EAF1: variants seen among roughly 807,000 people sequenced by gnomAD.
EAF1 encodes ELL associated factor 1, also known as ELL-associated factor 1.
In EAF1, 19 loss-of-function variants were observed where a neutral mutation model predicts 26.6. The ratio of observed to expected loss-of-function variants is 0.71; its 90% CI spans 0.50 to 1.05. The LOEUF (loss-of-function observed/expected upper bound fraction) is 1.05, where lower values mean the gene tolerates loss of function less well. EAF1 is among the 50% of genes least tolerant of loss of function. The pLI, the probability that EAF1 is intolerant of heterozygous loss-of-function variation, is 0.00. For synonymous variants in EAF1, 102 were observed against 120.6 expected, an observed-to-expected ratio of 0.85 and a Z score of 1.01; for missense variants, 260 against 335.5, an observed-to-expected ratio of 0.78 and a Z score of 1.76.
rs73144125 is a variant in EAF1 at position 15,439,277 on chromosome 3, G to A, written c.*122G>A. 1,204 of 904,608 alleles carry A rather than the reference G, an allele frequency of 1.3e-3. 9 individuals carry two copies. In the African/African-American group the frequency reaches 0.017, roughly 13 times the overall value. 56.0% of individuals were successfully genotyped at this position (904,608 alleles called of 1,614,324 possible). A position where few individuals can be genotyped will look rare whatever the true frequency, so the allele number is the denominator to read the frequency against. ...ATCAGTGACTGTAGTAGGAGTTTGA[G>A]GCTCTGGAACTCTCACATATTCAAG... On this transcript the variant is annotated 3_prime_UTR_variant, in exon 6 of 6. Transcript: ENST00000396842.
intron 5 of EAF1, 112 bp downstream of exon 5, chr3:15,436,687 G>T: frequency 1.1e-6 from 1 of 884,346 alleles, no homozygotes; most frequent in Non-Finnish European, 1.6e-6. Flanking sequence ...AGAGGATCTT[G>T]TTAAAAATAG....
Position 15,441,001 on chromosome 3 carries a change from C to T in EAF1, c.*1846C>T, listed in dbSNP as rs1426684892. 2 of 152,586 alleles carry T rather than the reference C, an allele frequency of 1.3e-5. No individual in the cohort carries two copies. Among genetic ancestry groups the T allele is most frequent in the East Asian group, 1.9e-4 (1 of 5,198 alleles). The allele number at this position is 152,586 out of a possible 1,614,324, so 9.5% of individuals were successfully genotyped here. A position where few individuals can be genotyped will look rare whatever the true frequency, so the allele number is the denominator to read the frequency against. On this transcript the variant is annotated 3_prime_UTR_variant, in exon 6 of 6. Coordinates refer to ENST00000396842, the MANE Select transcript of EAF1 (RefSeq NM_033083.7). The stretch of plus-strand genomic sequence containing the variant: ...TATTTAAGCCTCTCTCTCTTTCTCT[C>T]CTCCCCAACTTTTTTCTGAAAGCCT...
intron 4 of EAF1, 28 bp downstream of exon 4, chr3:15,434,566 A>G: frequency 6.2e-7 from 1 of 1,610,928 alleles, no homozygotes. Context: ...GATCCATGAT[A>G]GCAACTTGGA....
Position 15,440,275 on chromosome 3 carries a change from G to A in EAF1, c.*1120G>A, listed in dbSNP as rs988502943. The A allele has an allele frequency of 2.0e-5, 3 of 152,086 alleles. No individual in the cohort carries two copies. Among genetic ancestry groups the A allele is most frequent in the Non-Finnish European group, 2.9e-5 (2 of 68,000 alleles). 9.4% of individuals were successfully genotyped at this position (152,086 alleles called of 1,614,324 possible). On this transcript the variant is annotated 3_prime_UTR_variant, in exon 6 of 6. Transcript: ENST00000396842. ...CTGTTTTGTACCTGACTCCCTGACCGATTTGTATTTTTTATATACAACTAG... is the reference window on the plus strand; with the variant it reads ...CTGTTTTGTACCTGACTCCCTGACCAATTTGTATTTTTTATATACAACTAG...
chr3:15,429,041 A>T (rs138843788), intron 1 of EAF1, among the ~76,000 whole-genome samples: 245 of 152,350 alleles, frequency 1.6e-3, no homozygotes, highest in Non-Finnish European at 2.8e-3. Flanking sequence ...AATTTAAATC[A>T]TATAGTTCAT....
intron 3 of EAF1, chr3:15,433,166 ATCT>A (rs935876156): frequency 6.6e-6 from 1 of 152,442 alleles, no homozygotes; most frequent in Non-Finnish European, 1.5e-5. Flanking sequence ...GGCCATGCTA[ATCT>A]TCTCTGTATC....
At position 15,432,160 on chromosome 3, in the gene EAF1, A is replaced by T; in HGVS notation, c.272A>T (p.Asn91Ile). 1 of 1,614,178 alleles carries T rather than the reference A, an allele frequency of 6.2e-7. No individual in the cohort carries two copies. The highest frequency in any genetic ancestry group is 8.5e-7 in the Non-Finnish European group (1 of 1,180,014). Residue 91 changes from asparagine (N) to isoleucine (I), a missense_variant, in exon 3 of 6, where the codon AAT becomes ATT. Transcript: ENST00000396842. ...PYQKDCVLII[N>I]HDTGEYVLEK... ...CAGAAAGACTGTGTGCTTATTATTA[A>T]TCATGACACTGGTGAATATGTGCTG...
At position 15,439,327 on chromosome 3, in the gene EAF1, A is replaced by G; in HGVS notation, c.*172A>G. The G allele has an allele frequency of 2.0e-6, 1 of 507,432 alleles. No homozygotes were observed. Among genetic ancestry groups the G allele is most frequent in the East Asian group, 3.1e-5 (1 of 31,820 alleles). 31.4% of individuals were successfully genotyped at this position (507,432 alleles called of 1,614,324 possible). A position where few individuals can be genotyped will look rare whatever the true frequency, so the allele number is the denominator to read the frequency against. On this transcript the variant is annotated 3_prime_UTR_variant, in exon 6 of 6. Coordinates refer to ENST00000396842, the MANE Select transcript of EAF1 (RefSeq NM_033083.7). Reference sequence around the variant, plus strand: ...GTCTTTAACTTAGTGGTGATGGGTGATTTTCTCGTGTCATTTTTGAACAAT... The same window carrying G: ...GTCTTTAACTTAGTGGTGATGGGTGGTTTTCTCGTGTCATTTTTGAACAAT...
In EAF1 at chr3:15,430,010, G is replaced by T. The variant is rs1254788657; in HGVS notation, c.198+3G>T. The T allele has an allele frequency of 6.4e-7, 1 of 1,569,194 alleles. No homozygotes were observed. The highest frequency in any genetic ancestry group is 8.7e-7 in the Non-Finnish European group (1 of 1,154,546). ...CAATTACACTGCCACATATCCCTGT[G>T]AGTTTATTTCATTTTTTTTTTTAAT... On this transcript the variant is annotated splice_donor_region_variant and intron_variant, in intron 2 of 5. Coordinates refer to ENST00000396842, the MANE Select transcript of EAF1 (RefSeq NM_033083.7).
chr3:15,432,198 A>G lies in EAF1; in HGVS notation c.310A>G (p.Ser104Gly), dbSNP rs537837120. The part of the protein sequence containing the change: ...TGEYVLEKLS[S>G]SIQVKKTRAE... ...TGAATATGTGCTGGAAAAACTCAGT[A>G]GCAGCATTCAGGTGAAGAAAACAAG... The change falls in exon 3 of 6, where the codon AGC (serine) becomes GGC (glycine). Residue 104 changes from serine (S) to glycine (G), a missense_variant. Coordinates refer to ENST00000396842, the MANE Select transcript of EAF1 (RefSeq NM_033083.7). 1.2e-6 allele frequency: 2 copies of G among 1,614,164 alleles called. No individual in the cohort carries two copies. Among genetic ancestry groups the G allele is most frequent in the Admixed American group, 1.7e-5 (1 of 60,030 alleles).
chr3:15,433,051 G>A (rs2061811427), intron 3 of EAF1: 1 of 151,440 alleles, frequency 6.6e-6, no homozygotes, highest in African/African-American at 2.4e-5. Context: ...TATATGCATT[G>A]TTTTATCTAA....
chr3:15,431,493 T>C lies in EAF1; in HGVS notation c.199-594T>C, dbSNP rs563417366. Among the ~76,000 whole-genome samples the C allele has an allele frequency of 3.3e-5, 5 of 152,280 alleles. No individual in the cohort carries two copies. The East Asian group carries it at 9.6e-4, about 29-fold the overall frequency. On this transcript the variant is annotated intron_variant, in intron 2 of 5. Coordinates refer to ENST00000396842, the MANE Select transcript of EAF1 (RefSeq NM_033083.7). ...CAGTTGCCTTCTGCTCTGAAGCACA[T>C]GCGCAGGGGAGTATGCTGCAGGGTG... is the stretch of plus-strand genomic sequence containing the variant.
intron 1 of EAF1, 67 bp downstream of exon 1, chr3:15,427,949 C>T: frequency 1.6e-6 from 2 of 1,276,218 alleles, no homozygotes; most frequent in Non-Finnish European, 2.1e-6. Flanking sequence ...TTGACTCCTT[C>T]CTTTCTTCCC....
In EAF1 at chr3:15,427,707, C is replaced by A; in HGVS notation, c.-73C>A. 1.4e-6 allele frequency: 2 copies of A among 1,466,286 alleles called. No homozygotes were observed. The highest frequency in any genetic ancestry group is 1.9e-6 in the Non-Finnish European group (2 of 1,072,766). The allele number at this position is 1,466,286 out of a possible 1,614,324, so 90.8% of individuals were successfully genotyped here. A position where few individuals can be genotyped will look rare whatever the true frequency, so the allele number is the denominator to read the frequency against. ...GGCCCGGAAGCACAGTCCTCCCAGA[C>A]GCCAGCGCCAGAAGCTCGGATCGCG... On this transcript the variant is annotated 5_prime_UTR_variant, in exon 1 of 6. Coordinates refer to ENST00000396842, the MANE Select transcript of EAF1 (RefSeq NM_033083.7).
rs1032917589 is a variant in EAF1, at chr3:15,440,594, A to C, written c.*1439A>C. 6.6e-6 allele frequency: 1 copy of C among 152,296 alleles called. No homozygotes were observed. Among genetic ancestry groups the C allele is most frequent in the African/African-American group, 2.4e-5 (1 of 41,420 alleles). The allele number at this position is 152,296 out of a possible 1,614,324, so 9.4% of individuals were successfully genotyped here. A position where few individuals can be genotyped will look rare whatever the true frequency, so the allele number is the denominator to read the frequency against. On this transcript the variant is annotated 3_prime_UTR_variant, in exon 6 of 6. Coordinates refer to ENST00000396842, the MANE Select transcript of EAF1 (RefSeq NM_033083.7). Reference sequence around the variant, plus strand: ...GAGGGGAAGCAGTCTGGACTTAGAAAGGAAATAGGTGGTCTGTCATAGGGG... The same window carrying C: ...GAGGGGAAGCAGTCTGGACTTAGAACGGAAATAGGTGGTCTGTCATAGGGG...
chr3:15,437,231 C>T (rs927974184), intron 5 of EAF1, among the ~76,000 whole-genome samples: 1 of 147,540 alleles, frequency 6.8e-6, no homozygotes, highest in Non-Finnish European at 1.5e-5. Context: ...CCACTGTCCC[C>T]AGACAGTGTG....
Position 15,436,174 on chromosome 3 carries a change from TG to T in EAF1, c.527-167del. 6.3e-6 allele frequency: 3 copies of T among 475,040 alleles called. No homozygotes were observed. The South Asian group carries it at 1.4e-4, about 23-fold the overall frequency. 29.4% of individuals were successfully genotyped at this position (475,040 alleles called of 1,614,324 possible). ...TGTCTCTGGAAACAGGCTGTGTTTTTGTTTTGGTAATTTTGTTTGTACATTT... is the reference window on the plus strand; with the variant it reads ...TGTCTCTGGAAACAGGCTGTGTTTTTTTTTGGTAATTTTGTTTGTACATTT... On this transcript the variant is annotated intron_variant, in intron 4 of 5. Coordinates refer to ENST00000396842, the MANE Select transcript of EAF1 (RefSeq NM_033083.7).
intron 1 of EAF1, 109 bp downstream of exon 1, chr3:15,427,991 C>T: frequency 1.1e-6 from 1 of 870,260 alleles, no homozygotes; most frequent in African/African-American, 1.7e-5. Flanking sequence ...AACCCCCTGC[C>T]AGCGTCAGTT....
rs1216619503 is a variant in EAF1 at position 15,427,642 on chromosome 3, G to A, written c.-138G>A. 3 of 844,950 alleles carry A rather than the reference G, an allele frequency of 3.6e-6. No individual in the cohort carries two copies. Among genetic ancestry groups the A allele is most frequent in the Non-Finnish European group, 5.7e-6 (3 of 528,772 alleles). 52.3% of individuals were successfully genotyped at this position (844,950 alleles called of 1,614,324 possible). ...AGGAGAGAACTTGCTTCTGGACCCG[G>A]GTGGGTGCCGGCTCGGCTCTCCTTG... On this transcript the variant is annotated 5_prime_UTR_variant, in exon 1 of 6. Transcript: ENST00000396842.
Sources: allele counts gnomAD v4.1 joint callset (sites outside exome capture counted in the v4.1 genomes callset), GRCh38; gene constraint gnomAD v4.1.1; transcripts MANE v1.5; gene names NCBI Gene and HGNC (gene_info 2026-07-23, HGNC 2026-07-21).